The following GASK1A variants were observed in gnomAD, a reference collection of about 807,000 sequenced individuals.
The protein encoded by GASK1A is Golgi-associated kinase 1A.
GASK1A carries 40 observed loss-of-function variants against 41.2 expected under a neutral mutation model. The observed-to-expected ratio is 0.97, with a 90% CI of 0.75 to 1.27. The LOEUF (loss-of-function observed/expected upper bound fraction) is 1.27, where lower values mean the gene tolerates loss of function less well. Among genes scored for constraint, GASK1A ranks in the 50% most tolerant of loss-of-function variants. The pLI, the probability that GASK1A is intolerant of heterozygous loss-of-function variation, is 0.00. For missense variants in GASK1A, 678 were observed against 745.1 expected (o/e 0.91, Z 1.05); for synonymous variants, 316 against 307.1 (o/e 1.03, Z -0.30).
chr3:42,987,825 C>T (rs566246385), intron 1 of GASK1A, among the ~76,000 whole-genome samples: 2 of 151,718 alleles, frequency 1.3e-5, no homozygotes, highest in South Asian at 2.1e-4. Flanking sequence ...ATGGTGAAAC[C>T]CCATCTCTAC....
intron 1 of GASK1A, among the ~76,000 whole-genome samples, chr3:43,027,941 C>G (rs1369812665): frequency 1.3e-5 from 2 of 152,178 alleles, no homozygotes; most frequent in African/African-American, 4.8e-5. Flanking sequence ...AGACATAAGA[C>G]ATCAATCAAT....
intron 1 of GASK1A, among the ~76,000 whole-genome samples, chr3:43,027,699 C>G (rs570699905): frequency 2.6e-5 from 4 of 151,828 alleles, no homozygotes; most frequent in African/African-American, 9.7e-5. Context: ...ATCAAAATTT[C>G]CTAAATATTA....
intron 1 of GASK1A, 101 bp downstream of exon 1, chr3:42,979,746 G>A (rs1575431427): frequency 8.5e-7 from 1 of 1,176,076 alleles, no homozygotes; most frequent in East Asian, 3.2e-5. Context: ...CGCAGCCTGC[G>A]CGGCCTCCCG....
intron 1 of GASK1A, among the ~76,000 whole-genome samples, chr3:42,997,413 C>T (rs1449642365): frequency 7.2e-6 from 1 of 138,654 alleles, no homozygotes; most frequent in Non-Finnish European, 1.6e-5. Flanking sequence ...ACTACTTTCA[C>T]ACGCATGAGA....
At chr3:42,994,801 A>G (rs183290618) in intron 1 of GASK1A, among the ~76,000 whole-genome samples, 82 of 152,120 alleles carry the variant, frequency 5.4e-4, no homozygotes, top group Admixed American at 1.2e-3. Flanking sequence ...AGCATCCACC[A>G]CAGTGTAGAT....
chr3:43,006,798 C>T (rs2089438228), intron 1 of GASK1A, among the ~76,000 whole-genome samples: 1 of 152,126 alleles, frequency 6.6e-6, no homozygotes, highest in Non-Finnish European at 1.5e-5. Context: ...GATGATATGG[C>T]GATGTATTAT....
chr3:43,028,135 A>C (rs928942391), intron 1 of GASK1A, among the ~76,000 whole-genome samples: 3 of 152,372 alleles, frequency 2.0e-5, no homozygotes, highest in African/African-American at 7.2e-5. Context: ...TGTGGAGACC[A>C]AGGCTTTATC....
chr3:43,012,805 C>T (rs983782604), intron 1 of GASK1A, among the ~76,000 whole-genome samples: 1 of 150,218 alleles, frequency 6.7e-6, no homozygotes, highest in African/African-American at 2.5e-5. Context: ...AGTGTGAGGC[C>T]ACAGGAAGGA....
chr3:43,039,923 T>C (rs2089627217), intron 2 of GASK1A, among the ~76,000 whole-genome samples: 1 of 152,234 alleles, frequency 6.6e-6, no homozygotes, highest in Admixed American at 6.5e-5. Flanking sequence ...TTAAGGAACT[T>C]AGCCCTTTGT....
chr3:43,022,775 T>G (rs549491799), intron 1 of GASK1A, among the ~76,000 whole-genome samples: 1 of 152,360 alleles, frequency 6.6e-6, no homozygotes, highest in South Asian at 2.1e-4. Context: ...TAGAAATTTT[T>G]AGATTCTTTC....
At chr3:42,993,831 C>T (rs1372827293) in intron 1 of GASK1A, among the ~76,000 whole-genome samples, 1 of 152,164 alleles carries the variant, frequency 6.6e-6, no homozygotes, top group Non-Finnish European at 1.5e-5. Context: ...ATTGTATTTA[C>T]AACATATTGT....
intron 3 of GASK1A, among the ~76,000 whole-genome samples, chr3:43,054,811 T>A (rs681341): frequency 0.95 from 144,927 of 152,354 alleles, 69,321 homozygotes; most frequent in East Asian, 1. Flanking sequence ...TTCTGTAGAA[T>A]CAGATTATGG....
At chr3:43,020,340 CCTT>C (rs1406544463) in intron 1 of GASK1A, among the ~76,000 whole-genome samples, 1 of 152,200 alleles carries the variant, frequency 6.6e-6, no homozygotes, top group African/African-American at 2.4e-5. Context: ...TCAGAAAAGT[CCTT>C]CTTAAAAGAC....
intron 1 of GASK1A, among the ~76,000 whole-genome samples, chr3:43,011,702 G>A (rs1457228532): frequency 6.6e-6 from 1 of 152,070 alleles, no homozygotes; most frequent in African/African-American, 2.4e-5. Flanking sequence ...GGAAGGGGCT[G>A]TGTGGAGCCA....
chr3:43,032,205 T>G, intron 1 of GASK1A, 62 bp from the exon 2 acceptor site: 1 of 1,314,096 alleles, frequency 7.6e-7, no homozygotes, highest in Non-Finnish European at 1.0e-6. Flanking sequence ...TCCCCATTGT[T>G]TTGTGGGTTG....
chr3:43,044,897 C>G (rs960900300), intron 2 of GASK1A, among the ~76,000 whole-genome samples: 1 of 152,096 alleles, frequency 6.6e-6, no homozygotes, highest in Non-Finnish European at 1.5e-5. Context: ...CGAGAAAAGA[C>G]AAGAGTGCAT....
At chr3:42,981,654 G>A (rs1170872958) in intron 1 of GASK1A, among the ~76,000 whole-genome samples, 1 of 152,152 alleles carries the variant, frequency 6.6e-6, no homozygotes, top group Non-Finnish European at 1.5e-5. Flanking sequence ...AGTGAGCCCA[G>A]TGTGCTGCCA....
At chr3:43,004,806 C>T (rs72869053) in intron 1 of GASK1A, among the ~76,000 whole-genome samples, 275 of 152,282 alleles carry the variant, frequency 1.8e-3, no homozygotes, top group African/African-American at 4.2e-3. Context: ...CGTATTGGTG[C>T]GGTAACAAAT....
chr3:42,991,797 G>A (rs183517702), intron 1 of GASK1A, among the ~76,000 whole-genome samples: 39 of 152,306 alleles, frequency 2.6e-4, no homozygotes, highest in African/African-American at 9.1e-4. Context: ...GGACAGAGTG[G>A]CTCTGTTGTC....
Sources: allele counts gnomAD v4.1 joint callset (sites outside exome capture counted in the v4.1 genomes callset), GRCh38; gene constraint gnomAD v4.1.1; transcripts MANE v1.5; gene names NCBI Gene and HGNC (gene_info 2026-07-23, HGNC 2026-07-21).